The following PTGFRN variants were observed in gnomAD, a reference collection of about 807,000 sequenced individuals.
PTGFRN encodes the protein prostaglandin F2 receptor negative regulator.
Under a neutral mutation model 83.2 loss-of-function variants are expected in PTGFRN, and 35 were observed. The ratio of observed to expected loss-of-function variants is 0.42; its 90% CI spans 0.32 to 0.56. PTGFRN has a LOEUF of 0.56. Among genes scored for constraint, PTGFRN ranks in the 20% least tolerant of loss-of-function variants. The pLI is 0.11. For missense variants in PTGFRN, 1,051 were observed against 1,179.5 expected (o/e 0.89, Z 1.60); for synonymous variants, 519 against 498.6 (o/e 1.04, Z -0.55).
rs777501487 is a variant in PTGFRN, at chr1:116,986,781, C to T, written c.2474-20C>T. 8.1e-6 allele frequency: 13 copies of T among 1,612,666 alleles called. No homozygotes were observed. The highest frequency in any genetic ancestry group is 1.1e-5 in the Non-Finnish European group (13 of 1,179,438). ...CCCTCGCAGCACTGACTGGCTTCCC[C>T]TTTGATCTCTCCCTCCCAGTGCTGA... On this transcript the variant is annotated intron_variant, in intron 8 of 8. Transcript: ENST00000393203.
intron 7 of PTGFRN, among the ~76,000 whole-genome samples, chr1:116,981,244 T>C (rs1651310729): frequency 6.6e-6 from 1 of 152,134 alleles, no homozygotes; most frequent in South Asian, 2.1e-4. Flanking sequence ...CCTCTGCCTT[T>C]TCCTAAAGAA....
intron 1 of PTGFRN, among the ~76,000 whole-genome samples, chr1:116,932,562 A>G (rs1410511541): frequency 2.6e-5 from 4 of 152,220 alleles, no homozygotes; most frequent in Non-Finnish European, 5.9e-5. Flanking sequence ...TATCACTTAA[A>G]ATAACAAAGG....
In PTGFRN at chr1:116,974,792, C is replaced by T. The variant is rs181618490; in HGVS notation, c.2167+469C>T. Among the ~76,000 whole-genome samples the T allele has an allele frequency of 6.7e-4, 102 of 152,326 alleles. No individual in the cohort carries two copies. The East Asian group carries it at 0.012, about 18-fold the overall frequency. ...AACAGCTCCAGTCTACAGCTCCCAG[C>T]GTGAGCGATGCAGAAGACGGGTGAT... On this transcript the variant is annotated intron_variant, in intron 7 of 8. Transcript: ENST00000393203.
At chr1:116,949,887 G>A (rs1376020279) in intron 4 of PTGFRN, among the ~76,000 whole-genome samples, 1 of 152,188 alleles carries the variant, frequency 6.6e-6, no homozygotes, top group African/African-American at 2.4e-5. Flanking sequence ...TTGTTGGAGG[G>A]AGAACACTGC....
chr1:116,921,821 T>C (rs1057229389), intron 1 of PTGFRN, among the ~76,000 whole-genome samples: 2 of 152,106 alleles, frequency 1.3e-5, no homozygotes, highest in Admixed American at 6.6e-5. Context: ...GTCACAATTA[T>C]AGAGATGAAA....
At position 116,910,009 on chromosome 1, in the gene PTGFRN, C is replaced by CGGGA; in HGVS notation, c.-189_-186dup. On this transcript the variant is annotated 5_prime_UTR_variant, in exon 1 of 9. Transcript: ENST00000393203. The stretch of plus-strand genomic sequence containing the variant: ...CGGCTGGAGGAGGGAGGGAAGGAGG[C>CGGGA]GGGAGGGAGCGAGCGGAGCCAGGGG... 1.5e-6 allele frequency: 1 copy of CGGGA among 653,508 alleles called. No individual in the cohort carries two copies. The highest frequency in any genetic ancestry group is 2.7e-6 in the Non-Finnish European group (1 of 374,388). The allele number at this position is 653,508 out of a possible 1,614,324, so 40.5% of individuals were successfully genotyped here.
At chr1:116,954,724 C>G (rs1179700549) in intron 4 of PTGFRN, among the ~76,000 whole-genome samples, 1 of 152,238 alleles carries the variant, frequency 6.6e-6, no homozygotes, top group African/African-American at 2.4e-5. Flanking sequence ...GAGCCAAAGC[C>G]TGTCCTATAA....
At chr1:116,968,279 A>C (rs1650895539) in intron 6 of PTGFRN, among the ~76,000 whole-genome samples, 1 of 146,294 alleles carries the variant, frequency 6.8e-6, no homozygotes, top group Admixed American at 6.8e-5. Context: ...GTGTCAATTG[A>C]ATCATACAAT....
Position 116,986,947 on chromosome 1 carries a change from A to G in PTGFRN, c.2620A>G (p.Met874Val), listed in dbSNP as rs779788800. The G allele has an allele frequency of 1.2e-6, 2 of 1,614,238 alleles. No individual in the cohort carries two copies. The highest frequency in any genetic ancestry group is 3.3e-5 in the Admixed American group (2 of 60,032). ...QETRRERRRLMSMEMD is the reference protein window; with the variant it reads ...QETRRERRRLVSMEMD ...GACACGGCGCGAGCGCCGCAGGCTC[A>G]TGTCGATGGAGATGGACTAGGCTGG... The change falls in exon 9 of 9, where the codon ATG (methionine) becomes GTG (valine). Residue 874 changes from methionine (M) to valine (V), a missense_variant. Met to Val is a conservative substitution (Grantham distance 21, BLOSUM62 1). Around this residue, in one of 3 missense-constraint regions of PTGFRN, gnomAD observed 719 missense variants for 836.6 expected, o/e 0.86. Transcript: ENST00000393203.
At chr1:116,929,471 C>G (rs1160797355) in intron 1 of PTGFRN, among the ~76,000 whole-genome samples, 1 of 152,144 alleles carries the variant, frequency 6.6e-6, no homozygotes, top group Non-Finnish European at 1.5e-5. Context: ...AATCCAGGGC[C>G]CCTGCCCCCT....
chr1:116,928,401 CACTTT>C (rs1182041149), intron 1 of PTGFRN, among the ~76,000 whole-genome samples: 2 of 152,198 alleles, frequency 1.3e-5, no homozygotes, highest in Non-Finnish European at 2.9e-5. Context: ...AGGCCATTCT[CACTTT>C]ACTTGGCTCT....
Position 116,944,934 on chromosome 1 carries a change from T to C in PTGFRN, c.674T>C (p.Val225Ala). Residue 225 changes from valine to alanine, a missense_variant, in exon 3 of 9, where the codon GTG becomes GCG. Coordinates refer to ENST00000393203, the MANE Select transcript of PTGFRN (RefSeq NM_020440.4). Reference protein sequence around the residue: ...YHSGDVRLDTVGSDAYRLSVS... With the variant: ...YHSGDVRLDTAGSDAYRLSVS... ...AGTGGGGACGTGCGCCTCGACACCGTGGGCAGCGACGCCTACCGCCTCTCA... is the reference window on the plus strand; with the variant it reads ...AGTGGGGACGTGCGCCTCGACACCGCGGGCAGCGACGCCTACCGCCTCTCA... 6.2e-7 allele frequency: 1 copy of C among 1,613,056 alleles called. No individual in the cohort carries two copies. Among genetic ancestry groups the C allele is most frequent in the Non-Finnish European group, 8.5e-7 (1 of 1,179,980 alleles).
rs530210106 is a variant in PTGFRN at position 116,959,266 on chromosome 1, G to A, written c.1214-1977G>A. 4.6e-5 allele frequency among the ~76,000 whole-genome samples: 7 copies of A among 152,304 alleles called. No individual in the cohort carries two copies. The South Asian group carries it at 1.5e-3, about 32-fold the overall frequency. ...GACAGCATATGAGCCTGTAAAATGA[G>A]CAGTCAGAATGGCCAGTGGATTCCT... is the stretch of plus-strand genomic sequence containing the variant. On this transcript the variant is annotated intron_variant, in intron 4 of 8. Coordinates refer to ENST00000393203, the MANE Select transcript of PTGFRN (RefSeq NM_020440.4).
At position 116,984,835 on chromosome 1, in the gene PTGFRN, G is replaced by C; in HGVS notation, c.2323G>C (p.Glu775Gln). 6.2e-7 allele frequency: 1 copy of C among 1,614,130 alleles called. No individual in the cohort carries two copies. Among genetic ancestry groups the C allele is most frequent in the Non-Finnish European group, 8.5e-7 (1 of 1,180,044 alleles). ...DLSLERVSVL[E>Q]FLLQVHGSED... ...CAGCCTGGAGCGCGTGAGTGTGCTG[G>C]AATTCTTGCTGCAAGTGCATGGCTC... The change falls in exon 8 of 9, where the codon GAA becomes CAA. Residue 775 changes from glutamate (E) to glutamine (Q), a missense_variant. Glu to Gln is a conservative substitution (Grantham distance 29). Around this residue, in one of 3 missense-constraint regions of PTGFRN, gnomAD observed 719 missense variants for 836.6 expected, o/e 0.86. Transcript: ENST00000393203.
At chr1:116,979,920 CAGA>C (rs1651263145) in intron 7 of PTGFRN, among the ~76,000 whole-genome samples, 2 of 152,210 alleles carry the variant, frequency 1.3e-5, no homozygotes, top group Non-Finnish European at 2.9e-5. Flanking sequence ...AAACTACCAT[CAGA>C]GTGAACAGGC....
intron 6 of PTGFRN, among the ~76,000 whole-genome samples, chr1:116,971,715 GC>G (rs772563775): frequency 6.6e-6 from 1 of 152,176 alleles, no homozygotes; most frequent in African/African-American, 2.4e-5. Context: ...CAGCACAAAT[GC>G]TCTGTTGATT....
intron 1 of PTGFRN, among the ~76,000 whole-genome samples, chr1:116,935,139 C>T (rs1459324074): frequency 3.3e-5 from 5 of 152,158 alleles, no homozygotes; most frequent in African/African-American, 1.2e-4. Context: ...ATGTCAGTTA[C>T]CTTGAGGGGA....
intron 1 of PTGFRN, 67 bp downstream of exon 1, chr1:116,910,319 G>A: frequency 8.1e-7 from 1 of 1,227,748 alleles, no homozygotes; most frequent in East Asian, 3.2e-5. Flanking sequence ...TCGGCGGGGC[G>A]CGGCTGCAGC....
At chr1:116,929,330 C>T (rs915555111) in intron 1 of PTGFRN, among the ~76,000 whole-genome samples, 12 of 152,182 alleles carry the variant, frequency 7.9e-5, no homozygotes, top group Non-Finnish European at 1.0e-4. Flanking sequence ...CAGAAACTTC[C>T]CCCATGCTGG....
Sources: allele counts gnomAD v4.1 joint callset (sites outside exome capture counted in the v4.1 genomes callset), GRCh38; gene constraint gnomAD v4.1.1; regional missense constraint gnomAD v4.1.1; transcripts MANE v1.5; gene names NCBI Gene and HGNC (gene_info 2026-07-23, HGNC 2026-07-21).